The following NEDD4L variants were observed in gnomAD, a reference collection of about 807,000 sequenced individuals.
NEDD4L encodes NEDD4 like E3 ubiquitin protein ligase.
Under a neutral mutation model 148.9 loss-of-function variants are expected in NEDD4L, and 54 were observed. That is an observed-to-expected ratio of 0.36 (90% CI 0.29 to 0.45). The LOEUF (loss-of-function observed/expected upper bound fraction) is 0.45. Ranked by LOEUF, NEDD4L falls within the 20% of genes least tolerant of loss-of-function variation. The pLI is 1.00. For missense variants in NEDD4L, 856 were observed against 1,233.8 expected, an observed-to-expected ratio of 0.69 and a Z score of 4.59; for synonymous variants, 433 against 440.7, an observed-to-expected ratio of 0.98 and a Z score of 0.22.
At chr18:58,354,088 G>A (rs972793604) in intron 18 of NEDD4L, among the ~76,000 whole-genome samples, 1 of 152,156 alleles carries the variant, frequency 6.6e-6, no homozygotes, top group African/African-American at 2.4e-5. Flanking sequence ...TAGACTCCTC[G>A]ATTCCTTTGT....
chr18:58,210,101 G>A (rs1000095740), intron 2 of NEDD4L, among the ~76,000 whole-genome samples: 1 of 152,166 alleles, frequency 6.6e-6, no homozygotes, highest in Non-Finnish European at 1.5e-5. Context: ...GGGAGGCAGA[G>A]GTTGCGGTGA....
At position 58,329,032 on chromosome 18, in the gene NEDD4L, A is replaced by T. The variant is rs1260961412; in HGVS notation, c.718A>T (p.Ile240Phe). Residue 240 changes from isoleucine to phenylalanine, a missense_variant, in exon 10 of 31, where the codon ATC (isoleucine) becomes TTC (phenylalanine). This residue lies in a region of NEDD4L where 367 missense variants were observed against 422.7 expected (regional missense o/e 0.87). Coordinates refer to ENST00000400345, the MANE Select transcript of NEDD4L (RefSeq NM_001144967.3). ...SSESDNNIRQINQEAAHRRFR... is the reference protein window; with the variant it reads ...SSESDNNIRQFNQEAAHRRFR... ...GGAGTCGGACAATAACATCAGACAG[A>T]TCAACCAGGAGGCAGCACACCGGCG... 2.5e-6 allele frequency: 4 copies of T among 1,613,848 alleles called. No homozygotes were observed. In the East Asian group the frequency reaches 6.7e-5, roughly 27 times the overall value.
At chr18:58,333,144 G>C (rs1003004048) in intron 11 of NEDD4L, among the ~76,000 whole-genome samples, 2 of 151,888 alleles carry the variant, frequency 1.3e-5, no homozygotes, top group Non-Finnish European at 2.9e-5. Flanking sequence ...CAAGTGTGGT[G>C]GGGGGGGCTT....
At chr18:58,142,040 C>CTTTTTTTTTTTTTTTTTT (rs552184742) in intron 1 of NEDD4L, among the ~76,000 whole-genome samples, 3 of 41,858 alleles carry the variant, frequency 7.2e-5, no homozygotes, top group Non-Finnish European at 1.4e-4. Flanking sequence ...AAATTTCTTT[C>CTTTTTTTTTTTTTTTTTT]TTTTTTTTTT....
At chr18:58,340,055 T>A (rs146793800) in intron 13 of NEDD4L, among the ~76,000 whole-genome samples, 48 of 152,290 alleles carry the variant, frequency 3.2e-4, no homozygotes, top group Non-Finnish European at 6.2e-4. Context: ...CTAGGAGCCG[T>A]GGTATAGCTG....
Position 58,226,484 on chromosome 18 carries a change from G to A in NEDD4L, c.123-18943G>A, listed in dbSNP as rs908306934. ...TGGCAAATGATGTTTTGCAACTAAA[G>A]GATAAATACTGAGGGGGAGGGACGA... On this transcript the variant is annotated intron_variant, in intron 2 of 30. Coordinates refer to ENST00000400345, the MANE Select transcript of NEDD4L (RefSeq NM_001144967.3). 3.9e-5 allele frequency among the ~76,000 whole-genome samples: 6 copies of A among 152,172 alleles called. No individual in the cohort carries two copies. The East Asian group carries it at 9.6e-4, about 24-fold the overall frequency.
chr18:58,315,814 C>T (rs143986462), intron 5 of NEDD4L, among the ~76,000 whole-genome samples, 168 bp from the exon 6 acceptor site: 1 of 152,296 alleles, frequency 6.6e-6, no homozygotes, highest in Non-Finnish European at 1.5e-5. Flanking sequence ...CGCACGGGCT[C>T]CTGGTCTCCC....
At position 58,280,461 on chromosome 18, in the gene NEDD4L, G is replaced by C. The variant is rs534488895; in HGVS notation, c.297+28407G>C. Among the ~76,000 whole-genome samples the C allele has an allele frequency of 4.6e-5, 7 of 152,324 alleles. No individual in the cohort carries two copies. In the South Asian group the frequency reaches 1.5e-3, roughly 32 times the overall value. On this transcript the variant is annotated intron_variant, in intron 5 of 30. Transcript: ENST00000400345. ...GGACTTTGAATAAAAAGAAAGGAAA[G>C]CCAAGGAGCAGACCGGGCGAGGCTG...
intron 2 of NEDD4L, among the ~76,000 whole-genome samples, chr18:58,177,905 A>G (rs913331855): frequency 8.5e-5 from 13 of 152,236 alleles, no homozygotes; most frequent in Admixed American, 8.5e-4. Context: ...CTTAAATGGT[A>G]AATAAAACCT....
rs561684774 is a variant in NEDD4L, at chr18:58,325,074, G to A, written c.592G>A (p.Gly198Arg). 6.8e-6 allele frequency: 11 copies of A among 1,613,956 alleles called. No homozygotes were observed. The highest frequency in any genetic ancestry group is 1.6e-4 in the Middle Eastern group (1 of 6,062). The change falls in exon 9 of 31, where the codon GGG becomes AGG. Residue 198 changes from glycine (G) to arginine (R), a missense_variant. Coordinates refer to ENST00000400345, the MANE Select transcript of NEDD4L (RefSeq NM_001144967.3). The stretch of plus-strand genomic sequence containing the variant: ...ACTTCCTCCTCCTCCTCTGCCTCCC[G>A]GGTGGGAAGAAAAAGTGGACAATTT... ...EELPPPPLPP[G>R]WEEKVDNLGR...
intron 1 of NEDD4L, among the ~76,000 whole-genome samples, chr18:58,074,007 T>C (rs995751697): frequency 6.6e-6 from 1 of 152,182 alleles, no homozygotes; most frequent in Non-Finnish European, 1.5e-5. Context: ...AAAATCTGCT[T>C]AGGATTTTCC....
chr18:58,397,096 A>G lies in NEDD4L; in HGVS notation c.*827A>G, dbSNP rs990147853. On this transcript the variant is annotated 3_prime_UTR_variant, in exon 31 of 31. Coordinates refer to ENST00000400345, the MANE Select transcript of NEDD4L (RefSeq NM_001144967.3). ...ACATTTGAGACAGGGTTGGACTCCC[A>G]TTTCTCATCCGAGAAATTACTTAAC... 1 of 152,628 alleles carries G rather than the reference A, an allele frequency of 6.6e-6. No homozygotes were observed. The highest frequency in any genetic ancestry group is 2.4e-5 in the African/African-American group (1 of 41,450). The allele number at this position is 152,628 out of a possible 1,614,324, so 9.5% of individuals were successfully genotyped here. A position where few individuals can be genotyped will look rare whatever the true frequency, so the allele number is the denominator to read the frequency against.
chr18:58,196,710 CTTTTTTTT>C (rs544883000), intron 2 of NEDD4L, among the ~76,000 whole-genome samples: 54 of 114,446 alleles, frequency 4.7e-4, no homozygotes, highest in Admixed American at 2.5e-3. Flanking sequence ...CTCTCTCTCT[CTTTTTTTT>C]TTTTTTTTTT....
At chr18:58,343,588 T>G (rs2042699882) in intron 16 of NEDD4L, among the ~76,000 whole-genome samples, 1 of 152,212 alleles carries the variant, frequency 6.6e-6, no homozygotes, top group African/African-American at 2.4e-5. Flanking sequence ...TTTCATGCCC[T>G]TGATCATGGG....
chr18:58,158,332 C>A (rs1357357922), intron 1 of NEDD4L, among the ~76,000 whole-genome samples: 1 of 152,232 alleles, frequency 6.6e-6, no homozygotes, highest in African/African-American at 2.4e-5. Flanking sequence ...ACTGTCACCT[C>A]TTCCATATTC....
At chr18:58,198,457 T>C (rs571716325) in intron 2 of NEDD4L, among the ~76,000 whole-genome samples, 2 of 152,302 alleles carry the variant, frequency 1.3e-5, no homozygotes, top group Admixed American at 1.3e-4. Context: ...AATTTTGTTT[T>C]AGGGAATGGG....
chr18:58,269,729 T>C (rs888866981), intron 5 of NEDD4L, among the ~76,000 whole-genome samples: 1 of 152,024 alleles, frequency 6.6e-6, no homozygotes, highest in Non-Finnish European at 1.5e-5. Context: ...TAAATCTGGG[T>C]TTCCTTGATA....
At chr18:58,141,484 T>G (rs940822050) in intron 1 of NEDD4L, among the ~76,000 whole-genome samples, 4 of 151,836 alleles carry the variant, frequency 2.6e-5, no homozygotes, top group African/African-American at 7.3e-5. Context: ...AATTTTTGGG[T>G]TTTTTTTGTT....
intron 18 of NEDD4L, among the ~76,000 whole-genome samples, chr18:58,352,672 A>G (rs543777319): frequency 6.6e-6 from 1 of 152,324 alleles, no homozygotes; most frequent in Admixed American, 6.5e-5. Flanking sequence ...AAAAGAAAAA[A>G]GTTTCCTTTA....
Sources: allele counts gnomAD v4.1 joint callset (sites outside exome capture counted in the v4.1 genomes callset), GRCh38; gene constraint gnomAD v4.1.1; regional missense constraint gnomAD v4.1.1; transcripts MANE v1.5; gene names NCBI Gene and HGNC (gene_info 2026-07-23, HGNC 2026-07-21).